The following RASA2 variants were observed in gnomAD, a reference collection of about 807,000 sequenced individuals.
RASA2 encodes ras GTPase-activating protein 2.
In RASA2, 155 loss-of-function variants were observed where a neutral mutation model predicts 118.2. That is an observed-to-expected ratio of 1.31 (90% CI 1.15 to 1.50). RASA2 has a LOEUF of 1.50. RASA2 is among the 40% of genes most tolerant of loss of function. The pLI, the probability that RASA2 is intolerant of heterozygous loss-of-function variation, is 0.00. For synonymous variants in RASA2, 353 were observed against 349.1 expected, an observed-to-expected ratio of 1.01 and a Z score of -0.12; for missense variants, 1,016 against 1,009.6, an observed-to-expected ratio of 1.01 and a Z score of -0.09.
intron 19 of RASA2, among the ~76,000 whole-genome samples, chr3:141,595,024 A>G (rs1186227590): frequency 6.6e-6 from 1 of 152,194 alleles, no homozygotes; most frequent in African/African-American, 2.4e-5. Context: ...AGGGTCTTAT[A>G]TTTTATGTGA....
chr3:141,564,749 G>A (rs2151123616), intron 9 of RASA2, among the ~76,000 whole-genome samples: 1 of 152,292 alleles, frequency 6.6e-6, no homozygotes, highest in Admixed American at 6.5e-5. Flanking sequence ...GATAATTGTT[G>A]TAACCAAGTG....
At chr3:141,538,908 T>C (rs2082366594) in intron 4 of RASA2, among the ~76,000 whole-genome samples, 1 of 152,182 alleles carries the variant, frequency 6.6e-6, no homozygotes, top group Non-Finnish European at 1.5e-5. Context: ...ATGATTATCT[T>C]TTTCTACTCT....
In RASA2 at chr3:141,570,995, C is replaced by A; in HGVS notation, c.947C>A (p.Thr316Lys). ...LGSLRLNICY[T>K]EDYVLPSEYY... ...TCTCTTCGATTAAATATATGTTATA[C>A]AGAAGACTACGTGCTTCCTTCAGAG... Residue 316 changes from threonine to lysine, a missense_variant, in exon 10 of 24, where the codon ACA becomes AAA. Physicochemically the swap from Thr to Lys is moderately conservative, Grantham distance 78. Around this residue, in one of 2 missense-constraint regions of RASA2, gnomAD observed 896 missense variants for 836.4 expected, o/e 1.07. Coordinates refer to ENST00000286364, the MANE Select transcript of RASA2 (RefSeq NM_006506.5). The A allele has an allele frequency of 6.2e-7, 1 of 1,612,386 alleles. No homozygotes were observed. The highest frequency in any genetic ancestry group is 1.1e-5 in the South Asian group (1 of 90,816).
intron 3 of RASA2, among the ~76,000 whole-genome samples, chr3:141,520,108 G>A (rs1336108170): frequency 6.7e-6 from 1 of 150,198 alleles, no homozygotes; most frequent in Non-Finnish European, 1.5e-5. Context: ...CCACCTCCTG[G>A]GTTCAAGCGA....
intron 2 of RASA2, among the ~76,000 whole-genome samples, chr3:141,515,951 C>CA (rs1255873502): frequency 5.8e-5 from 8 of 138,794 alleles, no homozygotes; most frequent in Admixed American, 3.7e-4. Context: ...ATCGCAAAGA[C>CA]AAAAAAACCA....
chr3:141,559,233 T>G (rs1414753792), intron 8 of RASA2, among the ~76,000 whole-genome samples: 2 of 152,166 alleles, frequency 1.3e-5, no homozygotes, highest in Non-Finnish European at 2.9e-5. Flanking sequence ...TCCCAAATTG[T>G]TCCTTACATT....
At position 141,612,531 on chromosome 3, in the gene RASA2, C is replaced by T; in HGVS notation, c.*218C>T. The T allele has an allele frequency of 2.4e-6, 1 of 417,074 alleles. No homozygotes were observed. Among genetic ancestry groups the T allele is most frequent in the Non-Finnish European group, 4.3e-6 (1 of 230,128 alleles). The allele number at this position is 417,074 out of a possible 1,614,324, so 25.8% of individuals were successfully genotyped here. On this transcript the variant is annotated 3_prime_UTR_variant, in exon 24 of 24. Transcript: ENST00000286364. ...TTTAAAGCCCAAGATTCCCTTCATA[C>T]CTGTGTGACCAAATCCATGTTTCTG...
intron 15 of RASA2, among the ~76,000 whole-genome samples, chr3:141,578,370 G>C (rs1272129208): frequency 6.6e-6 from 1 of 152,192 alleles, no homozygotes; most frequent in Non-Finnish European, 1.5e-5. Flanking sequence ...CTCAGTACTG[G>C]AGATGCAGTG....
At chr3:141,610,460 T>TTATATATTATATATATAAATATATATATA (rs2107804415) in intron 23 of RASA2, among the ~76,000 whole-genome samples, 1 of 109,490 alleles carries the variant, frequency 9.1e-6, no homozygotes, top group Admixed American at 1.2e-4. Flanking sequence ...ATATTTATAT[T>TTATATATTATATATATAAATATATATATA]TATATATTAT....
chr3:141,564,896 T>C (rs976848611), intron 9 of RASA2, among the ~76,000 whole-genome samples: 1 of 152,240 alleles, frequency 6.6e-6, no homozygotes, highest in Admixed American at 6.5e-5. Flanking sequence ...GCCACTTGAC[T>C]ATATTTCTTT....
At chr3:141,562,751 C>T (rs1456468053) in intron 9 of RASA2, among the ~76,000 whole-genome samples, 9 of 151,944 alleles carry the variant, frequency 5.9e-5, no homozygotes, top group African/African-American at 2.2e-4. Context: ...TGGCCCACTG[C>T]AATCTCCACC....
intron 2 of RASA2, among the ~76,000 whole-genome samples, chr3:141,515,815 G>A (rs911980735): frequency 1.3e-5 from 2 of 150,214 alleles, no homozygotes; most frequent in Non-Finnish European, 2.9e-5. Flanking sequence ...CAGGAGAATC[G>A]CTTGAACCTG....
chr3:141,584,450 A>G (rs932973604), intron 17 of RASA2, among the ~76,000 whole-genome samples: 1 of 152,030 alleles, frequency 6.6e-6, no homozygotes, highest in African/African-American at 2.4e-5. Flanking sequence ...TCAGGGTAGC[A>G]TATTTATGAA....
intron 9 of RASA2, among the ~76,000 whole-genome samples, chr3:141,567,718 A>G (rs2082844084): frequency 6.6e-6 from 1 of 152,222 alleles, no homozygotes; most frequent in South Asian, 2.1e-4. Context: ...GGAACAGAAT[A>G]GAGCAGTAAC....
At chr3:141,515,545 T>C (rs2082009861) in intron 2 of RASA2, among the ~76,000 whole-genome samples, 1 of 152,196 alleles carries the variant, frequency 6.6e-6, no homozygotes, top group Admixed American at 6.5e-5. Flanking sequence ...GAGAATTATT[T>C]TGGGGCTTTT....
At chr3:141,606,676 A>G (rs2083554317) in intron 19 of RASA2, among the ~76,000 whole-genome samples, 1 of 152,164 alleles carries the variant, frequency 6.6e-6, no homozygotes, top group Non-Finnish European at 1.5e-5. Flanking sequence ...ATTTTATACC[A>G]GAAACCAGGC....
intron 1 of RASA2, among the ~76,000 whole-genome samples, chr3:141,511,495 G>T (rs1169924219): frequency 6.6e-6 from 1 of 152,184 alleles, no homozygotes; most frequent in Non-Finnish European, 1.5e-5. Context: ...TGGAAGCCAA[G>T]AGAAGAGAGC....
intron 4 of RASA2, among the ~76,000 whole-genome samples, chr3:141,539,183 G>A (rs1272250755): frequency 6.6e-6 from 1 of 152,132 alleles, no homozygotes; most frequent in Non-Finnish European, 1.5e-5. Flanking sequence ...GAATAGTAGA[G>A]ATTGTAAATA....
chr3:141,496,582 C>T (rs1210511116), intron 1 of RASA2, among the ~76,000 whole-genome samples: 1 of 152,174 alleles, frequency 6.6e-6, no homozygotes, highest in Non-Finnish European at 1.5e-5. Flanking sequence ...CATCACTGGC[C>T]ATCAGAGAAA....
Sources: gnomAD v4.1 joint callset for allele counts (sites outside exome capture counted in the v4.1 genomes callset) on GRCh38, gnomAD v4.1.1 for gene constraint, gnomAD v4.1.1 regional missense constraint, MANE v1.5 for transcripts, NCBI Gene and HGNC (gene_info 2026-07-23, HGNC 2026-07-21) for gene names.